TSG101: variants seen among roughly 807,000 people sequenced by gnomAD.
TSG101 encodes tumor susceptibility 101.
A neutral mutation model predicts 48.5 loss-of-function variants in TSG101; 19 were observed. The ratio of observed to expected loss-of-function variants is 0.39; its 90% CI spans 0.27 to 0.58. The LOEUF (loss-of-function observed/expected upper bound fraction) is 0.58, where lower values mean the gene tolerates loss of function less well. TSG101 is among the 20% of genes least tolerant of loss of function. TSG101 has a pLI of 0.55. For missense variants in TSG101, 365 were observed against 484.4 expected, an observed-to-expected ratio of 0.75 and a Z score of 2.31; for synonymous variants, 174 against 169.4, an observed-to-expected ratio of 1.03 and a Z score of -0.21.
rs919904441 is a variant in TSG101 at position 18,506,881 on chromosome 11, G to A, written c.524C>T (p.Pro175Leu). 1 of 1,600,746 alleles carries A rather than the reference G, an allele frequency of 6.2e-7. No individual in the cohort carries two copies. Among genetic ancestry groups the A allele is most frequent in the Non-Finnish European group, 8.5e-7 (1 of 1,172,350 alleles). Residue 175 changes from proline (P) to leucine (L), a missense_variant, in exon 6 of 10, where the codon CCA becomes CTA. Transcript: ENST00000251968. ...CCTGGGATTGGGAGGGTATCCGGAT[G>A]GGTATGGAGAGATTCCACCTGGCAT... is the stretch of plus-strand genomic sequence containing the variant. ...PGMPGGISPY[P>L]SGYPPNPSGY...
Position 18,481,661 on chromosome 11 carries a change from C to CT in TSG101, c.1051dup (p.Arg351LysfsTer19). On this transcript the variant is annotated frameshift_variant, in exon 9 of 10. Coordinates refer to ENST00000251968, the MANE Select transcript of TSG101 (RefSeq NM_006292.4). LOFTEE classifies it high-confidence loss of function. ...GAAGACATCCAGGTCTATCACGCCC[C>CT]TTCTCAAGGCTTCTCCCAAGTAAAA... 3 of 1,614,126 alleles carry CT rather than the reference C, an allele frequency of 1.9e-6. No homozygotes were observed. The highest frequency in any genetic ancestry group is 2.5e-6 in the Non-Finnish European group (3 of 1,180,010).
chr11:18,484,675 C>T (rs1186321071), intron 7 of TSG101, among the ~76,000 whole-genome samples: 1 of 152,214 alleles, frequency 6.6e-6, no homozygotes, highest in Non-Finnish European at 1.5e-5. Context: ...AGATTCTTTA[C>T]TATTCTCTTC....
Position 18,492,354 on chromosome 11 carries a change from TAA to T in TSG101, c.641-8284_641-8283del, listed in dbSNP as rs1436767255. ...GAAGTTATCAGAACTAATGAAAACT[TAA>T]GAGTCTTTTTATAGTTAGTGAATTT... On this transcript the variant is annotated intron_variant, in intron 7 of 9. Coordinates refer to ENST00000251968, the MANE Select transcript of TSG101 (RefSeq NM_006292.4). Among the ~76,000 whole-genome samples the T allele has an allele frequency of 2.6e-5, 4 of 152,202 alleles. No homozygotes were observed. The East Asian group carries it at 7.7e-4, about 29-fold the overall frequency.
chr11:18,484,215 G>A, intron 7 of TSG101, 143 bp from the exon 8 acceptor site: 1 of 739,840 alleles, frequency 1.4e-6, no homozygotes, highest in Non-Finnish European at 2.2e-6. Flanking sequence ...CCAGTTTCAT[G>A]AGAAATAATG....
chr11:18,483,491 C>CA (rs35471524), intron 8 of TSG101, among the ~76,000 whole-genome samples: 3,394 of 107,616 alleles, frequency 0.032, 70 homozygotes, highest in East Asian at 0.066. Flanking sequence ...GTGAAACTCT[C>CA]AAAAAAAAAA....
At chr11:18,510,779 G>C (rs1427397280) in intron 4 of TSG101, among the ~76,000 whole-genome samples, 3 of 151,942 alleles carry the variant, frequency 2.0e-5, no homozygotes, top group Non-Finnish European at 4.4e-5. Flanking sequence ...AAAATTAACT[G>C]TACATGGTGG....
chr11:18,483,485 A>G (rs1849574830), intron 8 of TSG101, among the ~76,000 whole-genome samples: 1 of 110,830 alleles, frequency 9.0e-6, no homozygotes, highest in East Asian at 2.9e-4. Context: ...GCAAGAGTGA[A>G]ACTCTCAAAA....
intron 7 of TSG101, among the ~76,000 whole-genome samples, chr11:18,492,444 T>G (rs1849711962): frequency 6.6e-6 from 1 of 152,218 alleles, no homozygotes; most frequent in Non-Finnish European, 1.5e-5. Context: ...ATGGGTCAAA[T>G]TATACTGATG....
intron 1 of TSG101, among the ~76,000 whole-genome samples, chr11:18,520,199 C>T (rs915893578): frequency 1.3e-5 from 2 of 152,118 alleles, no homozygotes; most frequent in Non-Finnish European, 2.9e-5. Flanking sequence ...AGATTATCCA[C>T]GTTGTAGCAT....
intron 7 of TSG101, among the ~76,000 whole-genome samples, chr11:18,499,308 TTATTTATATA>T (rs1333387929): frequency 3.2e-5 from 4 of 124,422 alleles, no homozygotes; most frequent in African/African-American, 9.0e-5. Context: ...ATTTATATAT[TTATTTATATA>T]TATTTATATA....
chr11:18,496,489 A>T (rs1590275720), intron 7 of TSG101, among the ~76,000 whole-genome samples: 1 of 144,236 alleles, frequency 6.9e-6, no homozygotes, highest in Non-Finnish European at 1.5e-5. Flanking sequence ...AAATAAAATA[A>T]AATAAAATAA....
intron 7 of TSG101, among the ~76,000 whole-genome samples, chr11:18,501,721 A>G (rs577007608): frequency 1.3e-5 from 2 of 152,334 alleles, no homozygotes; most frequent in East Asian, 3.9e-4. Context: ...CATTTTTACA[A>G]TATTAATTCT....
In TSG101 at chr11:18,486,465, G is replaced by A. The variant is rs187188272; in HGVS notation, c.641-2393C>T. Reference sequence around the variant, plus strand: ...CCATAATTCAGGGCTAAGCCCCTTCGGCAGTTAAATTCTTTAAAAATTTCT... The same window carrying A: ...CCATAATTCAGGGCTAAGCCCCTTCAGCAGTTAAATTCTTTAAAAATTTCT... On this transcript the variant is annotated intron_variant, in intron 7 of 9. Transcript: ENST00000251968. Among the ~76,000 whole-genome samples, 234 of 152,320 alleles carry A rather than the reference G, an allele frequency of 1.5e-3. 1 individual carries two copies. Among genetic ancestry groups the A allele is most frequent in the African/African-American group, 5.2e-3 (215 of 41,564 alleles).
intron 8 of TSG101, among the ~76,000 whole-genome samples, chr11:18,482,241 G>A (rs575731016): frequency 6.6e-6 from 1 of 152,224 alleles, no homozygotes; most frequent in Admixed American, 6.5e-5. Flanking sequence ...CCTGCCATAG[G>A]AGAGTAACTT....
intron 1 of TSG101, among the ~76,000 whole-genome samples, chr11:18,524,461 A>G (rs1217419931): frequency 6.6e-6 from 1 of 152,212 alleles, no homozygotes; most frequent in African/African-American, 2.4e-5. Flanking sequence ...CTGGCTAACA[A>G]TTCTTACATC....
At position 18,502,828 on chromosome 11, in the gene TSG101, G is replaced by A. The variant is rs560227549; in HGVS notation, c.549-251C>T. ...ATATGAGAGTCACCCTCATAGCAGC[G>A]GAAATGTAACTAGAGTATTTCTAAG... On this transcript the variant is annotated intron_variant, in intron 6 of 9. Transcript: ENST00000251968. Among the ~76,000 whole-genome samples, 11 of 152,222 alleles carry A rather than the reference G, an allele frequency of 7.2e-5. No homozygotes were observed. The East Asian group carries it at 7.7e-4, about 11-fold the overall frequency.
intron 6 of TSG101, among the ~76,000 whole-genome samples, chr11:18,504,879 T>C (rs1849943673): frequency 6.6e-6 from 1 of 152,140 alleles, no homozygotes; most frequent in African/African-American, 2.4e-5. Flanking sequence ...AATCAGAAAA[T>C]TTAGGGCCTC....
intron 1 of TSG101, among the ~76,000 whole-genome samples, chr11:18,520,405 T>C (rs1850250278): frequency 6.6e-6 from 1 of 152,064 alleles, no homozygotes; most frequent in Admixed American, 6.6e-5. Context: ...TTTTTATTTT[T>C]GTAAAGACAG....
intron 3 of TSG101, among the ~76,000 whole-genome samples, chr11:18,515,290 A>G (rs1283766829): frequency 6.6e-6 from 1 of 152,194 alleles, no homozygotes; most frequent in Non-Finnish European, 1.5e-5. Flanking sequence ...GAAGAGGTAC[A>G]TCCTTTATTC....
Sources: allele counts gnomAD v4.1 joint callset (sites outside exome capture counted in the v4.1 genomes callset), GRCh38; gene constraint gnomAD v4.1.1; transcripts MANE v1.5; gene names NCBI Gene and HGNC (gene_info 2026-07-23, HGNC 2026-07-21).